PTPRG: variants seen among roughly 807,000 people sequenced by gnomAD.
The protein encoded by PTPRG is receptor-type tyrosine-protein phosphatase gamma.
In PTPRG, 102 loss-of-function variants were observed where a neutral mutation model predicts 165.3. That is an observed-to-expected ratio of 0.62 (90% CI 0.53 to 0.73). The LOEUF (loss-of-function observed/expected upper bound fraction) is 0.73. Among genes scored for constraint, PTPRG ranks in the 30% least tolerant of loss-of-function variants. PTPRG has a pLI of 0.00. For missense variants in PTPRG, 1,866 were observed against 1,861.4 expected (o/e 1.00, Z -0.05); for synonymous variants, 675 against 669.5 (o/e 1.01, Z -0.13).
intron 1 of PTPRG, among the ~76,000 whole-genome samples, chr3:61,658,571 C>T (rs2107014604): frequency 6.6e-6 from 1 of 152,332 alleles, no homozygotes; most frequent in East Asian, 1.9e-4. Context: ...TCATCCACAT[C>T]ACACTTTTAT....
At chr3:61,590,310 T>A (rs1419764227) in intron 1 of PTPRG, among the ~76,000 whole-genome samples, 1 of 151,448 alleles carries the variant, frequency 6.6e-6, no homozygotes, top group Non-Finnish European at 1.5e-5. Context: ...TCACTTGAGG[T>A]CAGGAGTTCA....
intron 1 of PTPRG, among the ~76,000 whole-genome samples, chr3:61,717,307 A>T (rs2031850427): frequency 6.6e-6 from 1 of 152,214 alleles, no homozygotes; most frequent in Non-Finnish European, 1.5e-5. Flanking sequence ...CCTTTGAGGT[A>T]CATATTGTTA....
intron 1 of PTPRG, among the ~76,000 whole-genome samples, chr3:61,699,304 A>G (rs1298083552): frequency 1.3e-5 from 2 of 152,220 alleles, no homozygotes; most frequent in Non-Finnish European, 2.9e-5. Context: ...TACTTTTGCA[A>G]ATCTTTTTAA....
At chr3:61,567,665 C>CAAAAAAAG (rs1699947686) in intron 1 of PTPRG, among the ~76,000 whole-genome samples, 1 of 111,484 alleles carries the variant, frequency 9.0e-6, no homozygotes, top group African/African-American at 3.7e-5. Flanking sequence ...GACCCTGTCT[C>CAAAAAAAG]AAAAAAAAAA....
chr3:61,805,219 G>A (rs1318491260), intron 2 of PTPRG, among the ~76,000 whole-genome samples: 1 of 152,082 alleles, frequency 6.6e-6, no homozygotes. Context: ...ATTTTTGGTT[G>A]TTACAGCAAG....
chr3:62,192,879 T>C (rs1699873935), intron 9 of PTPRG, among the ~76,000 whole-genome samples: 2 of 152,240 alleles, frequency 1.3e-5, no homozygotes, highest in Non-Finnish European at 2.9e-5. Flanking sequence ...ATGACTGTTA[T>C]CACTTTTTTT....
intron 1 of PTPRG, among the ~76,000 whole-genome samples, chr3:61,585,280 CAAAAAAAAAAAA>C (rs3039784): frequency 2.5e-5 from 2 of 81,346 alleles, no homozygotes; most frequent in Admixed American, 1.4e-4. Flanking sequence ...GACCCTGTCT[CAAAAAAAAAAAA>C]AAAAAAGAAA....
chr3:61,650,380 A>G (rs1490956129), intron 1 of PTPRG, among the ~76,000 whole-genome samples: 2 of 152,222 alleles, frequency 1.3e-5, no homozygotes, highest in Admixed American at 6.5e-5. Context: ...AATGAGACTC[A>G]TGTTCGAAGA....
intron 4 of PTPRG, among the ~76,000 whole-genome samples, chr3:62,060,559 G>T (rs1329304276): frequency 6.6e-6 from 1 of 152,194 alleles, no homozygotes. Flanking sequence ...GCTATGCACT[G>T]TTCTGTCTGT....
At position 62,273,156 on chromosome 3, in the gene PTPRG, G is replaced by A. The variant is rs116882027; in HGVS notation, c.3318+75G>A. Reference sequence around the variant, plus strand: ...CTGAAATTTGTTAAATGATAATGAAGAGACAGATTCATTCTTTTAGGGCTT... The same window carrying A: ...CTGAAATTTGTTAAATGATAATGAAAAGACAGATTCATTCTTTTAGGGCTT... On this transcript the variant is annotated intron_variant, in intron 22 of 29. Coordinates refer to ENST00000474889, the MANE Select transcript of PTPRG (RefSeq NM_002841.4). This position sits in a 1 kb window ranked among gnomAD's most constrained non-coding sequence, Gnocchi z 4.1. The A allele has an allele frequency of 2.5e-4, 355 of 1,446,134 alleles. No individual in the cohort carries two copies. The highest frequency in any genetic ancestry group is 1.7e-3 in the East Asian group (70 of 41,464). 89.6% of individuals were successfully genotyped at this position (1,446,134 alleles called of 1,614,324 possible).
At chr3:61,868,325 C>T (rs2107431795) in intron 2 of PTPRG, among the ~76,000 whole-genome samples, 1 of 152,268 alleles carries the variant, frequency 6.6e-6, no homozygotes, top group East Asian at 1.9e-4. Context: ...AATTTCTTGC[C>T]TCTCTCAGAT....
intron 5 of PTPRG, 110 bp downstream of exon 5, chr3:62,078,368 C>T: frequency 1.1e-5 from 7 of 639,488 alleles, no homozygotes; most frequent in Non-Finnish European, 1.9e-5. Flanking sequence ...TCACACCTGT[C>T]CAAATGAAAG....
intron 1 of PTPRG, among the ~76,000 whole-genome samples, chr3:61,571,635 GT>G (rs150055222): frequency 1.5e-4 from 22 of 151,626 alleles, no homozygotes; most frequent in Non-Finnish European, 2.5e-4. Context: ...TTGGTGGTGA[GT>G]TTTTTTTTGA....
At chr3:62,098,401 C>A (rs1702185276) in intron 5 of PTPRG, among the ~76,000 whole-genome samples, 1 of 152,196 alleles carries the variant, frequency 6.6e-6, no homozygotes, top group Admixed American at 6.5e-5. Context: ...TATGGAAATA[C>A]TACACCATTT....
In PTPRG at chr3:62,237,438, A is replaced by G. The variant is rs948401239; in HGVS notation, c.2375+6127A>G. Among the ~76,000 whole-genome samples, 1 of 152,166 alleles carries G rather than the reference A, an allele frequency of 6.6e-6. No individual in the cohort carries two copies. The highest frequency in any genetic ancestry group is 2.4e-5 in the African/African-American group (1 of 41,446). The stretch of plus-strand genomic sequence containing the variant: ...TTAGTCAAGAAGGCCAATTAAACAT[A>G]CTGGAACCTGTCATGTGCTGGCAGT... On this transcript the variant is annotated intron_variant, in intron 14 of 29. Transcript: ENST00000474889. The surrounding 1 kb of genome is among the most constrained non-coding windows in gnomAD (Gnocchi z 4.5).
At chr3:61,797,490 T>C (rs746947725) in intron 2 of PTPRG, among the ~76,000 whole-genome samples, 3 of 152,058 alleles carry the variant, frequency 2.0e-5, no homozygotes, top group African/African-American at 7.2e-5. Flanking sequence ...CATCACTATG[T>C]GAAAGGAAGG....
At chr3:61,617,747 A>G (rs1451527693) in intron 1 of PTPRG, among the ~76,000 whole-genome samples, 1 of 152,106 alleles carries the variant, frequency 6.6e-6, no homozygotes, top group African/African-American at 2.4e-5. Context: ...CACACAGTGG[A>G]TAGATACGAA....
chr3:62,290,461 C>A (rs1702841002), intron 28 of PTPRG, among the ~76,000 whole-genome samples: 1 of 152,066 alleles, frequency 6.6e-6, no homozygotes, highest in African/African-American at 2.4e-5. Context: ...ATGTTTGAAT[C>A]ACTAAAAACA....
At chr3:62,022,183 C>G (rs1021842468) in intron 4 of PTPRG, among the ~76,000 whole-genome samples, 3 of 152,154 alleles carry the variant, frequency 2.0e-5, no homozygotes, top group African/African-American at 7.2e-5. Context: ...TTTCTGTAAC[C>G]TCAGTGCTGA....
Sources: gnomAD v4.1 joint callset for allele counts (sites outside exome capture counted in the v4.1 genomes callset) on GRCh38, gnomAD v4.1.1 for gene constraint, Gnocchi (gnomAD v3.1) non-coding constraint, MANE v1.5 for transcripts, NCBI Gene and HGNC (gene_info 2026-07-23, HGNC 2026-07-21) for gene names.